CRACD: variants seen among roughly 807,000 people sequenced by gnomAD.
The protein encoded by CRACD is capping protein-inhibiting regulator of actin dynamics.
Under a neutral mutation model 106.8 loss-of-function variants are expected in CRACD, and 56 were observed. That is an observed-to-expected ratio of 0.52 (90% confidence interval 0.42 to 0.66). The LOEUF (loss-of-function observed/expected upper bound fraction) is 0.66, where lower values mean the gene tolerates loss of function less well. CRACD is among the 30% of genes least tolerant of loss of function. CRACD has a pLI of 0.00. For missense variants in CRACD, 1,730 were observed against 1,623.2 expected, an observed-to-expected ratio of 1.07 and a Z score of -1.13; for synonymous variants, 754 against 670.8, an observed-to-expected ratio of 1.12 and a Z score of -1.92.
chr4:56,111,340 G>C (rs987778646), intron 1 of CRACD, among the ~76,000 whole-genome samples: 1 of 147,624 alleles, frequency 6.8e-6, no homozygotes, highest in Non-Finnish European at 1.5e-5. Flanking sequence ...AGATGTGAAC[G>C]TGGTTGCCTC....
chr4:56,138,728 A>G (rs898830979), intron 1 of CRACD, among the ~76,000 whole-genome samples: 1 of 152,222 alleles, frequency 6.6e-6, no homozygotes, highest in Non-Finnish European at 1.5e-5. Flanking sequence ...AGAGGATGAA[A>G]CATGAGATTT....
intron 1 of CRACD, among the ~76,000 whole-genome samples, chr4:56,146,910 G>C (rs1735401926): frequency 1.3e-5 from 2 of 152,152 alleles, no homozygotes; most frequent in South Asian, 4.1e-4. Context: ...TGGGAGAATG[G>C]CTGGGCTGGA....
intron 2 of CRACD, among the ~76,000 whole-genome samples, chr4:56,252,721 C>CAACA (rs1177651851): frequency 2.0e-5 from 3 of 152,140 alleles, no homozygotes; most frequent in Non-Finnish European, 2.9e-5. Context: ...TCAATACACA[C>CAACA]AACACCAAGA....
At chr4:56,178,635 C>A (rs1027326030) in intron 1 of CRACD, among the ~76,000 whole-genome samples, 2 of 152,180 alleles carry the variant, frequency 1.3e-5, no homozygotes, top group Non-Finnish European at 2.9e-5. Flanking sequence ...CACCCTTGTC[C>A]ATCCTGAGAT....
Position 56,298,272 on chromosome 4 carries a change from G to C in CRACD, c.43G>C (p.Asp15His). 1 of 1,614,168 alleles carries C rather than the reference G, an allele frequency of 6.2e-7. No individual in the cohort carries two copies. The change falls in exon 4 of 11, where the codon GAT (aspartate) becomes CAT (histidine). Residue 15 changes from aspartate to histidine, a missense_variant. Asp to His is a moderately conservative substitution (Grantham distance 81). Coordinates refer to ENST00000682029, the MANE Select transcript of CRACD (RefSeq NM_001393381.1). ...AFSHDSIFIP[D>H]GGAESEQTVQ... ...TTCCCATGACAGTATTTTTATCCCT[G>C]ATGGGGGAGCAGAAAGTGAGCAGAC...
intron 2 of CRACD, among the ~76,000 whole-genome samples, chr4:56,193,698 A>G (rs1406969237): frequency 1.3e-5 from 2 of 152,380 alleles, no homozygotes; most frequent in East Asian, 3.9e-4. Flanking sequence ...CCAGTGTCAT[A>G]CACATAATCA....
intron 4 of CRACD, chr4:56,301,197 C>T: frequency 1.6e-6 from 2 of 1,281,496 alleles, no homozygotes; most frequent in Non-Finnish European, 2.0e-6. Context: ...ACTGAATCAT[C>T]CCCAAAAAGA....
At chr4:56,271,909 AATTTTCTTATATTTTATAGAGATGGG>A (rs1459152701) in intron 2 of CRACD, among the ~76,000 whole-genome samples, 1 of 151,900 alleles carries the variant, frequency 6.6e-6, no homozygotes, top group Non-Finnish European at 1.5e-5. Flanking sequence ...CAACCCGACT[AATTTTCTTATATTTTATAGAGATGGG>A]ATCTCACTGT....
At chr4:56,069,466 T>C (rs1732563493) in intron 1 of CRACD, among the ~76,000 whole-genome samples, 1 of 152,178 alleles carries the variant, frequency 6.6e-6, no homozygotes, top group Non-Finnish European at 1.5e-5. Flanking sequence ...GACTCTCCTG[T>C]CTGCAGAGAT....
At chr4:56,160,843 C>G (rs183493184) in intron 1 of CRACD, among the ~76,000 whole-genome samples, 5 of 152,210 alleles carry the variant, frequency 3.3e-5, no homozygotes, top group Non-Finnish European at 7.3e-5. Flanking sequence ...GCTCCTTGTC[C>G]CCTGGACTCC....
intron 3 of CRACD, among the ~76,000 whole-genome samples, chr4:56,291,643 T>C (rs1053593783): frequency 1.3e-5 from 2 of 152,182 alleles, no homozygotes; most frequent in Non-Finnish European, 2.9e-5. Context: ...ATTATACAAA[T>C]GCTGCCCTCT....
intron 1 of CRACD, among the ~76,000 whole-genome samples, chr4:56,057,652 G>A (rs1732123474): frequency 7.2e-6 from 1 of 138,538 alleles, no homozygotes; most frequent in Non-Finnish European, 1.5e-5. Flanking sequence ...TTTGGGAGAC[G>A]GAGTCTCTGT....
intron 1 of CRACD, among the ~76,000 whole-genome samples, chr4:56,074,456 T>C (rs1475057881): frequency 6.6e-6 from 1 of 152,216 alleles, no homozygotes; most frequent in Non-Finnish European, 1.5e-5. Context: ...CAGTTGTGAA[T>C]GGGAGTTCAC....
At chr4:56,141,682 ATTTTTTTTTTTT>A (rs1171920777) in intron 1 of CRACD, among the ~76,000 whole-genome samples, 4 of 82,680 alleles carry the variant, frequency 4.8e-5, no homozygotes, top group East Asian at 4.5e-4. Context: ...AGGAAGTACT[ATTTTTTTTTTTT>A]TTTTTTTTTT....
At chr4:56,138,656 G>A (rs931957184) in intron 1 of CRACD, among the ~76,000 whole-genome samples, 3 of 151,978 alleles carry the variant, frequency 2.0e-5, no homozygotes, top group Non-Finnish European at 4.4e-5. Context: ...TAACTATCCT[G>A]TACTATGAGA....
At chr4:56,189,691 T>C (rs1737274501) in intron 2 of CRACD, among the ~76,000 whole-genome samples, 1 of 151,306 alleles carries the variant, frequency 6.6e-6, no homozygotes, top group Non-Finnish European at 1.5e-5. Flanking sequence ...GAATGATGGT[T>C]TCCAGCTTCA....
chr4:56,065,457 T>A (rs752501340), intron 1 of CRACD, among the ~76,000 whole-genome samples: 5 of 152,110 alleles, frequency 3.3e-5, no homozygotes, highest in Non-Finnish European at 7.4e-5. Context: ...TGTAGTTACT[T>A]GTTTGTGGGG....
At chr4:56,109,395 G>A (rs952221847) in intron 1 of CRACD, among the ~76,000 whole-genome samples, 8 of 151,676 alleles carry the variant, frequency 5.3e-5, no homozygotes, top group African/African-American at 9.7e-5. Flanking sequence ...CTCTTGCCTC[G>A]GCACCTAGGT....
intron 2 of CRACD, among the ~76,000 whole-genome samples, chr4:56,180,350 G>A (rs556732627): frequency 5.9e-5 from 9 of 152,076 alleles, no homozygotes; most frequent in Admixed American, 1.3e-4. Context: ...ACAGCTGGGC[G>A]TGATGGCGGG....
Sources: gnomAD v4.1 joint callset for allele counts (sites outside exome capture counted in the v4.1 genomes callset) on GRCh38, gnomAD v4.1.1 for gene constraint, MANE v1.5 for transcripts, NCBI Gene and HGNC (gene_info 2026-07-23, HGNC 2026-07-21) for gene names.